Variants in UNC5C observed in about 807,000 individuals in gnomAD.
The protein encoded by UNC5C is unc-5 netrin receptor C.
In UNC5C, 47 loss-of-function variants were observed where a neutral mutation model predicts 99.8. The observed-to-expected ratio is 0.47, with a 90% CI of 0.37 to 0.60. The LOEUF (loss-of-function observed/expected upper bound fraction) is 0.60. Ranked by LOEUF, UNC5C falls within the 20% of genes least tolerant of loss-of-function variation. UNC5C has a pLI of 0.00. For missense variants in UNC5C, 1,062 were observed against 1,165.9 expected (o/e 0.91, Z 1.30); for synonymous variants, 487 against 452.2 (o/e 1.08, Z -0.98).
chr4:95,183,134 A>G, intron 13 of UNC5C, 73 bp from the exon 14 acceptor site: 1 of 1,452,854 alleles, frequency 6.9e-7, no homozygotes, highest in Non-Finnish European at 9.4e-7. Context: ...GTCTGCTGCC[A>G]GGTACTCTGA....
At chr4:95,252,976 G>A (rs564799425) in intron 4 of UNC5C, among the ~76,000 whole-genome samples, 2 of 152,170 alleles carry the variant, frequency 1.3e-5, no homozygotes, top group Non-Finnish European at 2.9e-5. Context: ...TGAAACAAAT[G>A]AATTTCATGT....
At chr4:95,483,266 G>A (rs1163773407) in intron 1 of UNC5C, among the ~76,000 whole-genome samples, 1 of 151,588 alleles carries the variant, frequency 6.6e-6, no homozygotes, top group Non-Finnish European at 1.5e-5. Context: ...TTCACCTCCT[G>A]TCAAGTGAAC....
At chr4:95,491,771 G>A (rs1330893506) in intron 1 of UNC5C, among the ~76,000 whole-genome samples, 1 of 151,538 alleles carries the variant, frequency 6.6e-6, no homozygotes, top group Non-Finnish European at 1.5e-5. Context: ...TTTCTGCATT[G>A]TGTTTATTTA....
intron 13 of UNC5C, among the ~76,000 whole-genome samples, chr4:95,183,584 C>T (rs1736705283): frequency 6.6e-6 from 1 of 152,152 alleles, no homozygotes; most frequent in Non-Finnish European, 1.5e-5. Flanking sequence ...CAGTTGGAAA[C>T]TTCAGACTCA....
At chr4:95,519,121 A>G (rs1033424848) in intron 1 of UNC5C, among the ~76,000 whole-genome samples, 1 of 152,128 alleles carries the variant, frequency 6.6e-6, no homozygotes, top group Non-Finnish European at 1.5e-5. Context: ...GCTTCAAGAC[A>G]TAGAGTATAG....
rs537484572 is a variant in UNC5C, at chr4:95,343,867, G to A, written c.125-8236C>T. Among the ~76,000 whole-genome samples the A allele has an allele frequency of 7.3e-4, 111 of 152,096 alleles. 3 individuals are homozygous for A. The South Asian group carries it at 0.017, about 24-fold the overall frequency. On this transcript the variant is annotated intron_variant, in intron 1 of 15. Coordinates refer to ENST00000453304, the MANE Select transcript of UNC5C (RefSeq NM_003728.4). ...GAAAGAACTAGTAAGCTTGAAGTCG[G>A]GTTATTTGAAAGTACACAGTCAGAA... is the stretch of plus-strand genomic sequence containing the variant.
intron 1 of UNC5C, among the ~76,000 whole-genome samples, chr4:95,429,638 C>A (rs907008834): frequency 6.6e-6 from 1 of 152,024 alleles, no homozygotes; most frequent in African/African-American, 2.4e-5. Flanking sequence ...CAGATCGGGG[C>A]CAAAGAAGCC....
At chr4:95,244,001 A>C (rs2149379146) in intron 6 of UNC5C, among the ~76,000 whole-genome samples, 1 of 152,344 alleles carries the variant, frequency 6.6e-6, no homozygotes, top group Non-Finnish European at 1.5e-5. Context: ...GACTGCTCTG[A>C]CATTTGGAAA....
chr4:95,337,220 G>C (rs1743384732), intron 1 of UNC5C, among the ~76,000 whole-genome samples: 1 of 151,890 alleles, frequency 6.6e-6, no homozygotes. Context: ...AAGGTGGAAG[G>C]TCAACTAGAC....
intron 2 of UNC5C, among the ~76,000 whole-genome samples, chr4:95,324,298 C>T (rs557980346): frequency 1.3e-5 from 2 of 152,214 alleles, no homozygotes; most frequent in Admixed American, 1.3e-4. Context: ...GTTGCATGCG[C>T]CTTATGAGAA....
intron 1 of UNC5C, among the ~76,000 whole-genome samples, chr4:95,393,256 G>A (rs1022214414): frequency 2.0e-5 from 3 of 152,176 alleles, no homozygotes; most frequent in African/African-American, 7.2e-5. Flanking sequence ...TAAGATATTA[G>A]GAGTTATTAT....
intron 2 of UNC5C, among the ~76,000 whole-genome samples, chr4:95,318,435 T>C (rs571876570): frequency 6.6e-6 from 1 of 152,192 alleles, no homozygotes; most frequent in Non-Finnish European, 1.5e-5. Context: ...TTTCTGTTGT[T>C]TTAAGCCTAG....
intron 1 of UNC5C, among the ~76,000 whole-genome samples, chr4:95,410,047 G>A (rs572053887): frequency 5.9e-5 from 9 of 152,086 alleles, no homozygotes; most frequent in Admixed American, 3.3e-4. Context: ...ATCAACCATG[G>A]CAATGAAAAT....
At chr4:95,353,667 A>T (rs193297041) in intron 1 of UNC5C, among the ~76,000 whole-genome samples, 71 of 152,094 alleles carry the variant, frequency 4.7e-4, no homozygotes, top group Admixed American at 4.1e-3. Flanking sequence ...ATGAAAAGAA[A>T]ATAGAAATAT....
At chr4:95,307,002 T>C (rs1311413962) in intron 2 of UNC5C, among the ~76,000 whole-genome samples, 4 of 152,238 alleles carry the variant, frequency 2.6e-5, no homozygotes, top group Non-Finnish European at 5.9e-5. Context: ...CAGTTCTAGA[T>C]GTCTTAATAT....
chr4:95,499,094 T>C (rs1162046214), intron 1 of UNC5C, among the ~76,000 whole-genome samples: 2 of 152,118 alleles, frequency 1.3e-5, no homozygotes, highest in Non-Finnish European at 2.9e-5. Flanking sequence ...TTTTAAGGTA[T>C]AAAGTTTTAA....
intron 1 of UNC5C, among the ~76,000 whole-genome samples, chr4:95,351,165 T>G (rs1042375936): frequency 6.6e-6 from 1 of 152,066 alleles, no homozygotes; most frequent in Non-Finnish European, 1.5e-5. Context: ...TCCTGGACAT[T>G]AGCCCTTGCT....
At chr4:95,224,687 A>G (rs946048017) in intron 7 of UNC5C, among the ~76,000 whole-genome samples, 1 of 152,282 alleles carries the variant, frequency 6.6e-6, no homozygotes, top group African/African-American at 2.4e-5. Flanking sequence ...TCTGTTGTAG[A>G]CATGGGGATA....
At chr4:95,248,242 AT>A (rs1739571811) in intron 5 of UNC5C, 1 of 248,034 alleles carries the variant, frequency 4.0e-6, no homozygotes, top group African/African-American at 2.4e-5. Context: ...TAAGAATTAA[AT>A]TGGTGTAACA....
Sources: gnomAD v4.1 joint callset for allele counts (sites outside exome capture counted in the v4.1 genomes callset) on GRCh38, gnomAD v4.1.1 for gene constraint, MANE v1.5 for transcripts, NCBI Gene and HGNC (gene_info 2026-07-23, HGNC 2026-07-21) for gene names.